The following STK33 variants were observed in gnomAD, a reference collection of about 807,000 sequenced individuals.
STK33 encodes the protein serine/threonine kinase 33.
Under a neutral mutation model 58.0 loss-of-function variants are expected in STK33, and 52 were observed. The observed-to-expected ratio is 0.90, with a 90% CI of 0.72 to 1.13. STK33 has a LOEUF of 1.13. Among genes scored for constraint, STK33 ranks in the 50% most tolerant of loss-of-function variants. The probability of loss-of-function intolerance (pLI) is 0.00; values close to 1 mark genes in which losing one functional copy is unlikely to be tolerated. For synonymous variants in STK33, 215 were observed against 200.1 expected (o/e 1.07, Z -0.63); for missense variants, 630 against 604.2 (o/e 1.04, Z -0.45).
chr11:8,389,601 T>C (rs1025272542), downstream of STK33, among the ~76,000 whole-genome samples: 11 of 152,234 alleles, frequency 7.2e-5, no homozygotes, highest in African/African-American at 2.7e-4. Flanking sequence ...GAATGCATGT[T>C]TAAACAAAGC....
intron 12 of STK33, among the ~76,000 whole-genome samples, chr11:8,437,724 G>A (rs1269851826): frequency 1.3e-5 from 2 of 151,982 alleles, no homozygotes; most frequent in African/African-American, 4.8e-5. Context: ...TCATAGTAAT[G>A]ATGATGATTA....
At chr11:8,360,291 G>T in the STK33 span, among the ~76,000 whole-genome samples, 1,572 of 152,232 alleles carry the variant, frequency 0.01, 23 homozygotes, top group African/African-American at 0.036. Context: ...GGTCTTGTTG[G>T]GTTCAGGCCG....
At chr11:8,378,387 G>A in the STK33 span, among the ~76,000 whole-genome samples, 58 of 105,518 alleles carry the variant, frequency 5.5e-4, no homozygotes, top group East Asian at 2.3e-3. Context: ...GCATGGTGGT[G>A]CATGCCTGTA....
chr11:8,405,917 C>T (rs1316753410), intron 15 of STK33, among the ~76,000 whole-genome samples: 1 of 151,920 alleles, frequency 6.6e-6, no homozygotes, highest in Non-Finnish European at 1.5e-5. Flanking sequence ...CCGAGGTGGG[C>T]GGATCACGAG....
intron 1 of STK33, among the ~76,000 whole-genome samples, chr11:8,577,535 T>C (rs1256232650): frequency 6.6e-6 from 1 of 152,128 alleles, no homozygotes; most frequent in Non-Finnish European, 1.5e-5. Flanking sequence ...AGCTTGTTTA[T>C]CTGGGTATAT....
intron 1 of STK33, among the ~76,000 whole-genome samples, chr11:8,590,691 C>A (rs1393110459): frequency 6.6e-6 from 1 of 152,136 alleles, no homozygotes; most frequent in Non-Finnish European, 1.5e-5. Flanking sequence ...TATGCACTTA[C>A]AATTTATTTT....
At chr11:8,425,430 GC>G (rs1192100779) in intron 14 of STK33, among the ~76,000 whole-genome samples, 1 of 152,144 alleles carries the variant, frequency 6.6e-6, no homozygotes, top group Non-Finnish European at 1.5e-5. Context: ...GATGCCTCCA[GC>G]TTTATTCTTT....
intron 1 of STK33, among the ~76,000 whole-genome samples, chr11:8,589,994 A>G (rs1287223296): frequency 6.6e-6 from 1 of 152,178 alleles, no homozygotes; most frequent in African/African-American, 2.4e-5. Flanking sequence ...TGCTAGCAGC[A>G]AACAAACTTG....
chr11:8,485,025 T>C (rs1379108366), intron 1 of STK33, among the ~76,000 whole-genome samples: 5 of 152,212 alleles, frequency 3.3e-5, no homozygotes, highest in African/African-American at 1.2e-4. Context: ...AAAATGAAGA[T>C]TAAAAATGTC....
chr11:8,485,526 T>C (rs1473469859), intron 1 of STK33, among the ~76,000 whole-genome samples: 1 of 152,196 alleles, frequency 6.6e-6, no homozygotes, highest in Non-Finnish European at 1.5e-5. Context: ...GGTTGCTTTA[T>C]TGTGAAAAGT....
chr11:8,558,071 A>G (rs1488467802), intron 1 of STK33, among the ~76,000 whole-genome samples: 1 of 152,184 alleles, frequency 6.6e-6, no homozygotes, highest in Non-Finnish European at 1.5e-5. Flanking sequence ...CCAACTGCCA[A>G]CAAGGAACTA....
intron 1 of STK33, among the ~76,000 whole-genome samples, chr11:8,585,271 C>T (rs1429887813): frequency 7.5e-6 from 1 of 133,588 alleles, no homozygotes; most frequent in East Asian, 2.2e-4. Flanking sequence ...GTCACCCAGG[C>T]TGGAGTGCAG....
At chr11:8,349,578 C>T in the STK33 span, among the ~76,000 whole-genome samples, 1 of 152,242 alleles carries the variant, frequency 6.6e-6, no homozygotes, top group Non-Finnish European at 1.5e-5. Flanking sequence ...GACCACCTCA[C>T]ATTCAATTCT....
At chr11:8,439,010 A>G (rs1944403930) in intron 12 of STK33, among the ~76,000 whole-genome samples, 1 of 152,182 alleles carries the variant, frequency 6.6e-6, no homozygotes, top group Admixed American at 6.5e-5. Flanking sequence ...AACTGTGAAA[A>G]TGTAACTACT....
At chr11:8,357,285 C>A in the STK33 span, among the ~76,000 whole-genome samples, 2 of 152,250 alleles carry the variant, frequency 1.3e-5, no homozygotes, top group Non-Finnish European at 2.9e-5. Flanking sequence ...GGGTCCGGCC[C>A]CCGCAATGAG....
chr11:8,427,886 C>G (rs1942962857), intron 14 of STK33, among the ~76,000 whole-genome samples: 1 of 152,188 alleles, frequency 6.6e-6, no homozygotes, highest in African/African-American at 2.4e-5. Flanking sequence ...ACTGTGTATT[C>G]TAAACTCTCT....
At chr11:8,480,236 G>C (rs1227616254) in intron 2 of STK33, among the ~76,000 whole-genome samples, 174 bp downstream of exon 2, 1 of 152,172 alleles carries the variant, frequency 6.6e-6, no homozygotes, top group Non-Finnish European at 1.5e-5. Context: ...ACAAGTGTTT[G>C]AGTAGAGGCT....
At chr11:8,515,678 C>T (rs1369790810) in intron 1 of STK33, among the ~76,000 whole-genome samples, 3 of 152,134 alleles carry the variant, frequency 2.0e-5, no homozygotes, top group East Asian at 3.8e-4. Context: ...GATAGTTCAA[C>T]ACATGAAAAC....
chr11:8,358,278 TG>T, the STK33 span, among the ~76,000 whole-genome samples: 16 of 151,956 alleles, frequency 1.1e-4, no homozygotes, highest in Admixed American at 5.9e-4. Flanking sequence ...CAGCTTGGGG[TG>T]GGGGGGCATG....
Sources: allele counts gnomAD v4.1 joint callset (sites outside exome capture counted in the v4.1 genomes callset), GRCh38; gene constraint gnomAD v4.1.1; transcripts MANE v1.5; gene names NCBI Gene and HGNC (gene_info 2026-07-23, HGNC 2026-07-21).